GMDS: variants seen among roughly 807,000 people sequenced by gnomAD.
The protein encoded by GMDS is GDP-mannose 4,6 dehydratase.
A neutral mutation model predicts 49.9 loss-of-function variants in GMDS; 20 were observed. The observed-to-expected ratio is 0.40, with a 90% confidence interval of 0.28 to 0.58. GMDS has a LOEUF of 0.58. GMDS is among the 20% of genes least tolerant of loss of function. GMDS has a pLI of 0.42. For synonymous variants in GMDS, 177 were observed against 178.6 expected (o/e 0.99, Z 0.07); for missense variants, 362 against 481.4 (o/e 0.75, Z 2.32).
intron 8 of GMDS, among the ~76,000 whole-genome samples, chr6:1,737,500 A>ACAAAC (rs1767039995): frequency 6.7e-6 from 1 of 148,164 alleles, no homozygotes; most frequent in African/African-American, 2.5e-5. Flanking sequence ...CACACACACA[A>ACAAAC]ACACACACAC....
At chr6:2,069,487 A>G (rs1023722843) in intron 4 of GMDS, among the ~76,000 whole-genome samples, 1 of 151,976 alleles carries the variant, frequency 6.6e-6, no homozygotes, top group African/African-American at 2.4e-5. Flanking sequence ...GGCAACCTAC[A>G]GAATGGGAGA....
At chr6:1,753,696 G>A (rs941062226) in intron 7 of GMDS, among the ~76,000 whole-genome samples, 1 of 152,172 alleles carries the variant, frequency 6.6e-6, no homozygotes, top group Non-Finnish European at 1.5e-5. Context: ...TCAGACCACA[G>A]TGCAATCAAA....
At chr6:1,743,630 T>A (rs1207240525) in intron 7 of GMDS, among the ~76,000 whole-genome samples, 1 of 151,958 alleles carries the variant, frequency 6.6e-6, no homozygotes, top group Admixed American at 6.6e-5. Flanking sequence ...CCACTGCATG[T>A]CCAAGATACT....
At chr6:2,034,328 T>C (rs139270039) in intron 4 of GMDS, among the ~76,000 whole-genome samples, 59 of 152,254 alleles carry the variant, frequency 3.9e-4, no homozygotes, top group Admixed American at 3.0e-3. Flanking sequence ...ATTATTCCAT[T>C]TACATGAAAC....
intron 6 of GMDS, among the ~76,000 whole-genome samples, chr6:1,938,859 G>T (rs1247304769): frequency 6.7e-6 from 1 of 150,328 alleles, no homozygotes; most frequent in East Asian, 2.0e-4. Context: ...TAATAGTCTG[G>T]GTTAATTTCC....
At chr6:1,767,631 T>C (rs1474369051) in intron 7 of GMDS, among the ~76,000 whole-genome samples, 1 of 152,230 alleles carries the variant, frequency 6.6e-6, no homozygotes, top group Non-Finnish European at 1.5e-5. Flanking sequence ...GACTTGAGTC[T>C]CTGGCAGCCG....
At chr6:1,745,304 G>A (rs1410439878) in intron 7 of GMDS, among the ~76,000 whole-genome samples, 1 of 151,664 alleles carries the variant, frequency 6.6e-6, no homozygotes, top group Non-Finnish European at 1.5e-5. Context: ...TGTAAAAGGA[G>A]AAACTTGACT....
chr6:2,031,676 CA>C (rs1177791410), intron 4 of GMDS, among the ~76,000 whole-genome samples: 1 of 152,138 alleles, frequency 6.6e-6, no homozygotes, highest in East Asian at 1.9e-4. Context: ...AAGTAAAAAA[CA>C]GAGGTAGGAA....
chr6:1,867,981 C>T (rs1758521273), intron 7 of GMDS, among the ~76,000 whole-genome samples: 1 of 151,734 alleles, frequency 6.6e-6, no homozygotes, highest in Non-Finnish European at 1.5e-5. Flanking sequence ...CTTTCCTTCT[C>T]AACAGCTGTT....
At chr6:1,637,264 G>T (rs746568257) in intron 9 of GMDS, among the ~76,000 whole-genome samples, 1 of 152,246 alleles carries the variant, frequency 6.6e-6, no homozygotes, top group Non-Finnish European at 1.5e-5. Context: ...GCCCAGTAAG[G>T]CCTTTCCAGG....
intron 1 of GMDS, among the ~76,000 whole-genome samples, chr6:2,166,792 A>T (rs1777692249): frequency 6.6e-6 from 1 of 152,204 alleles, no homozygotes; most frequent in Admixed American, 6.5e-5. Context: ...GCCAATGCTA[A>T]TTGTTCTCCC....
chr6:2,035,513 T>C (rs1459957555), intron 4 of GMDS, among the ~76,000 whole-genome samples: 1 of 152,102 alleles, frequency 6.6e-6, no homozygotes, highest in East Asian at 1.9e-4. Context: ...TATTTCTCTG[T>C]CTTATCATTC....
At chr6:1,624,903 C>G (rs1031351794) in intron 9 of GMDS, among the ~76,000 whole-genome samples, 1 of 139,150 alleles carries the variant, frequency 7.2e-6, no homozygotes, top group African/African-American at 2.6e-5. Context: ...TTTGGAATTG[C>G]TGCACTTCTC....
chr6:2,242,103 TAC>T lies in GMDS; in HGVS notation c.102+3216_102+3217del, dbSNP rs1400104121. 1.9e-4 allele frequency among the ~76,000 whole-genome samples: 29 copies of T among 152,148 alleles called. 1 individual carries two copies. The highest frequency in any genetic ancestry group is 1.5e-5 in the Non-Finnish European group (1 of 68,030). On this transcript the variant is annotated intron_variant, in intron 1 of 10. Transcript: ENST00000380815. ...TCAACAGGGACTGCATACATGTAAA[TAC>T]AGAGGAAGTTCCTGGAATGGCTGCA...
At chr6:1,695,669 C>A (rs1296497466) in intron 9 of GMDS, among the ~76,000 whole-genome samples, 1 of 152,180 alleles carries the variant, frequency 6.6e-6, no homozygotes, top group Non-Finnish European at 1.5e-5. Context: ...CTTAAGGCTG[C>A]AACAGAAGAT....
intron 7 of GMDS, among the ~76,000 whole-genome samples, chr6:1,837,904 G>A (rs985517075): frequency 1.3e-5 from 2 of 152,150 alleles, no homozygotes; most frequent in Admixed American, 6.5e-5. Flanking sequence ...GGAGGACTAG[G>A]GGGACACTGC....
intron 9 of GMDS, among the ~76,000 whole-genome samples, chr6:1,696,018 A>G (rs1250972435): frequency 6.7e-6 from 1 of 150,262 alleles, no homozygotes; most frequent in East Asian, 2.0e-4. Context: ...AGCTTTGACG[A>G]TGAAGCTACA....
intron 7 of GMDS, among the ~76,000 whole-genome samples, chr6:1,806,783 G>A (rs1376192551): frequency 2.6e-5 from 4 of 152,106 alleles, no homozygotes; most frequent in Non-Finnish European, 5.9e-5. Flanking sequence ...AAATAGAACC[G>A]TAAATATCTC....
intron 1 of GMDS, among the ~76,000 whole-genome samples, chr6:2,130,373 A>ATACAG (rs1775668317): frequency 6.6e-6 from 1 of 152,346 alleles, no homozygotes; most frequent in South Asian, 2.1e-4. Context: ...TTACCTCCTG[A>ATACAG]TACAGAGAAG....
Sources: gnomAD v4.1 joint callset for allele counts (sites outside exome capture counted in the v4.1 genomes callset) on GRCh38, gnomAD v4.1.1 for gene constraint, MANE v1.5 for transcripts, NCBI Gene and HGNC (gene_info 2026-07-23, HGNC 2026-07-21) for gene names.